Variants in USH2A observed in about 807,000 individuals in gnomAD.
The protein encoded by USH2A is usherin.
A neutral mutation model predicts 538.9 loss-of-function variants in USH2A; 443 were observed. The observed-to-expected ratio is 0.82, with a 90% CI of 0.76 to 0.89. The LOEUF (loss-of-function observed/expected upper bound fraction) is 0.89, where lower values mean the gene tolerates loss of function less well. USH2A is among the 40% of genes least tolerant of loss of function. The pLI is 0.00. For synonymous variants in USH2A, 2,413 were observed against 2,273.5 expected (o/e 1.06, Z -1.75); for missense variants, 6,633 against 6,324.8 (o/e 1.05, Z -1.65).
At chr1:216,030,655 T>A (rs543773072) in intron 32 of USH2A, among the ~76,000 whole-genome samples, 30 of 147,408 alleles carry the variant, frequency 2.0e-4, no homozygotes, top group Admixed American at 1.8e-3. Context: ...TATATATATA[T>A]AAATCAAAAT....
intron 11 of USH2A, among the ~76,000 whole-genome samples, chr1:216,256,116 G>A (rs1298920999): frequency 6.6e-6 from 1 of 151,938 alleles, no homozygotes; most frequent in Non-Finnish European, 1.5e-5. Flanking sequence ...TTTTAACCTA[G>A]TTGTGTCTTA....
Position 215,759,677 on chromosome 1 carries a change from G to T in USH2A, c.11214C>A (p.Asn3738Lys). ...TAGTTTACCTGCTATTGGGCTCCAGGTTTTTATCAGTGAAATTCTGCTCCT... is the reference window on the plus strand; with the variant it reads ...TAGTTTACCTGCTATTGGGCTCCAGTTTTTTATCAGTGAAATTCTGCTCCT... ...GSEEQNFTDK[N>K]LEPNSRYTYK... is the part of the protein sequence containing the mutation. Residue 3738 changes from asparagine to lysine, a missense_variant, in exon 57 of 72, where the codon AAC (asparagine) becomes AAA (lysine). Coordinates refer to ENST00000307340, the MANE Select transcript of USH2A (RefSeq NM_206933.4). The T allele has an allele frequency of 6.2e-7, 1 of 1,613,940 alleles. No homozygotes were observed. Among genetic ancestry groups the T allele is most frequent in the Non-Finnish European group, 8.5e-7 (1 of 1,179,890 alleles).
Position 216,083,515 on chromosome 1 carries a change from C to T in USH2A, c.5239G>A (p.Asp1747Asn), listed in dbSNP as rs1174148752. Residue 1747 changes from aspartate (D) to asparagine (N), a missense_variant, in exon 26 of 72, where the codon GAC (aspartate) becomes AAC (asparagine). Asp to Asn is a conservative substitution (Grantham distance 23). Transcript: ENST00000307340. Reference sequence around the variant, plus strand: ...AAAAGAAGCAATCCATTTAATTGGTCAGTTCTGAACTTAAAGGAAATCTCA... The same window carrying T: ...AAAAGAAGCAATCCATTTAATTGGTTAGTTCTGAACTTAAAGGAAATCTCA... ...NFEISFKFRT[D>N]QLNGLLLFVY... is the part of the protein sequence containing the mutation. 1 of 1,612,172 alleles carries T rather than the reference C, an allele frequency of 6.2e-7. No homozygotes were observed. The highest frequency in any genetic ancestry group is 2.2e-5 in the East Asian group (1 of 44,742).
intron 4 of USH2A, among the ~76,000 whole-genome samples, chr1:216,360,874 A>G (rs770968437): frequency 6.6e-6 from 1 of 152,140 alleles, no homozygotes; most frequent in Non-Finnish European, 1.5e-5. Context: ...TCTCCTAAAT[A>G]CAAATGAGTA....
intron 58 of USH2A, among the ~76,000 whole-genome samples, chr1:215,750,471 A>G (rs141512409): frequency 9.2e-5 from 14 of 152,276 alleles, no homozygotes; most frequent in African/African-American, 3.4e-4. Context: ...AGAGGAATCA[A>G]TATACCCAAA....
intron 62 of USH2A, among the ~76,000 whole-genome samples, chr1:215,679,726 A>C (rs1265523436): frequency 6.6e-6 from 1 of 152,214 alleles, no homozygotes; most frequent in Non-Finnish European, 1.5e-5. Flanking sequence ...TAAATTAGGC[A>C]AGTCTTAAGC....
In USH2A at chr1:215,813,810, C is replaced by A. The variant is rs766639909; in HGVS notation, c.9665G>T (p.Cys3222Phe). ...TGCCTCCTGTATTCGGCCACCACAA[C>A]AAACTCCAGTAGAATTCAGAACAAA... ...IPFVLNSTGV[C>F]CGGRIQEAQP... Residue 3222 changes from cysteine (C) to phenylalanine (F), a missense_variant, in exon 49 of 72, where the codon TGT (cysteine) becomes TTT (phenylalanine). Cys to Phe is a radical substitution (Grantham distance 205). Transcript: ENST00000307340. The A allele has an allele frequency of 6.2e-7, 1 of 1,613,936 alleles. No homozygotes were observed. Among genetic ancestry groups the A allele is most frequent in the African/African-American group, 1.3e-5 (1 of 75,026 alleles).
At chr1:216,090,062 T>C (rs115310494) in intron 22 of USH2A, among the ~76,000 whole-genome samples, 62 of 152,108 alleles carry the variant, frequency 4.1e-4, no homozygotes, top group African/African-American at 1.5e-3. Flanking sequence ...TTCTTCTTAA[T>C]AAAGTTGATT....
intron 21 of USH2A, among the ~76,000 whole-genome samples, chr1:216,155,135 G>A (rs890626042): frequency 1.3e-5 from 2 of 151,974 alleles, no homozygotes; most frequent in South Asian, 4.2e-4. Flanking sequence ...GGCCATTCCT[G>A]GACACTGGGA....
intron 21 of USH2A, among the ~76,000 whole-genome samples, chr1:216,167,439 A>G (rs918947904): frequency 8.5e-5 from 13 of 152,156 alleles, no homozygotes; most frequent in Non-Finnish European, 1.8e-4. Flanking sequence ...ACTAAGAGGC[A>G]AAATGTTGGC....
intron 37 of USH2A, among the ~76,000 whole-genome samples, chr1:215,945,684 T>C (rs1176077207): frequency 6.6e-6 from 1 of 152,160 alleles, no homozygotes. Flanking sequence ...TGAAGATTAT[T>C]ATCTTCTTTC....
Position 216,058,980 on chromosome 1 carries a change from CAG to C in USH2A, c.6050-10335_6050-10334del, listed in dbSNP as rs548928034. Among the ~76,000 whole-genome samples, 17 of 152,098 alleles carry C rather than the reference CAG, an allele frequency of 1.1e-4. No individual in the cohort carries two copies. The East Asian group carries it at 2.9e-3, about 26-fold the overall frequency. ...CTATTGAAGAAATAGCATGGGTGCA[CAG>C]AGAGTACCATAGGCAGTTTTAGCAA... On this transcript the variant is annotated intron_variant, in intron 30 of 71. Transcript: ENST00000307340.
intron 65 of USH2A, among the ~76,000 whole-genome samples, chr1:215,650,008 C>T (rs1406577679): frequency 6.6e-6 from 1 of 152,218 alleles, no homozygotes; most frequent in Non-Finnish European, 1.5e-5. Flanking sequence ...TCTCTCCTGT[C>T]TCCCAGTGTG....
At chr1:215,745,427 AT>A (rs34994621) in intron 58 of USH2A, among the ~76,000 whole-genome samples, 32,925 of 152,082 alleles carry the variant, frequency 0.22, 3,687 homozygotes, top group Non-Finnish European at 0.23. Context: ...AACAAGAGTC[AT>A]TTCAATGCAT....
At chr1:215,635,181 A>G (rs148245808) in intron 69 of USH2A, among the ~76,000 whole-genome samples, 8 of 152,306 alleles carry the variant, frequency 5.3e-5, no homozygotes, top group Non-Finnish European at 1.2e-4. Flanking sequence ...CAACAGTCCA[A>G]TTCCTGATAC....
intron 27 of USH2A, among the ~76,000 whole-genome samples, chr1:216,074,507 T>A (rs988214156): frequency 6.6e-6 from 1 of 152,158 alleles, no homozygotes; most frequent in Non-Finnish European, 1.5e-5. Context: ...TCCTCAGCAT[T>A]CATATGATGT....
chr1:216,038,754 A>G (rs2030121755), intron 32 of USH2A, among the ~76,000 whole-genome samples: 1 of 152,006 alleles, frequency 6.6e-6, no homozygotes, highest in Non-Finnish European at 1.5e-5. Context: ...AGCACTTTAA[A>G]ACGTACATAA....
chr1:216,117,701 C>T lies in USH2A; in HGVS notation c.4628-20488G>A, dbSNP rs556104285. The stretch of plus-strand genomic sequence containing the variant: ...ACTATATCTTCCCTCAATTAAATCA[C>T]TTGCAATATATGAACCACTTTAGAG... On this transcript the variant is annotated intron_variant, in intron 21 of 71. Coordinates refer to ENST00000307340, the MANE Select transcript of USH2A (RefSeq NM_206933.4). Among the ~76,000 whole-genome samples the T allele has an allele frequency of 2.6e-5, 4 of 151,922 alleles. No homozygotes were observed. In the East Asian group the frequency reaches 5.8e-4, roughly 22 times the overall value.
chr1:216,104,215 C>T (rs933253918), intron 21 of USH2A, among the ~76,000 whole-genome samples: 1 of 151,330 alleles, frequency 6.6e-6, no homozygotes, highest in African/African-American at 2.4e-5. Flanking sequence ...TTCCCTCCCT[C>T]CTCCCCCCAC....
Sources: allele counts gnomAD v4.1 joint callset (sites outside exome capture counted in the v4.1 genomes callset), GRCh38; gene constraint gnomAD v4.1.1; transcripts MANE v1.5; gene names NCBI Gene and HGNC (gene_info 2026-07-23, HGNC 2026-07-21).